The following MAST1 variants were observed in gnomAD, a reference collection of about 807,000 sequenced individuals.
MAST1 encodes microtubule-associated serine/threonine-protein kinase 1.
Under a neutral mutation model 124.6 loss-of-function variants are expected in MAST1, and 40 were observed. That is an observed-to-expected ratio of 0.32 (90% CI 0.25 to 0.42). The LOEUF (loss-of-function observed/expected upper bound fraction) is 0.42. MAST1 is among the 10% of genes least tolerant of loss of function. The pLI is 1.00. For synonymous variants in MAST1, 938 were observed against 939.4 expected (o/e 1.00, Z 0.03); for missense variants, 1,558 against 2,181.9 (o/e 0.71, Z 5.70).
intron 21 of MAST1, 93 bp downstream of exon 21, chr19:12,868,942 G>C (rs1970198749): frequency 6.5e-7 from 1 of 1,544,456 alleles, no homozygotes; most frequent in South Asian, 1.2e-5. Context: ...TGTCCACCGT[G>C]ATTGGCTCCA....
In MAST1 at chr19:12,847,612, C is replaced by T; in HGVS notation, c.489C>T (p.Ser163=). 6.2e-7 allele frequency: 1 copy of T among 1,614,138 alleles called. No homozygotes were observed. Among genetic ancestry groups the T allele is most frequent in the Non-Finnish European group, 8.5e-7 (1 of 1,180,002 alleles). ...ACAAAATGGGCTTCTCTCCCCGCAG[C>T]CCCGGGCGCTCCCCCTCCTCCTACG... The part of the protein sequence containing the change: ...PAVRPRSRSL[S]PGRSPSSYDN... The change falls in exon 6 of 26, where the codon AGC becomes AGT. Residue 163 remains serine (S), a splice_region_variant and synonymous_variant. Transcript: ENST00000251472. This position sits in a 1 kb window ranked among gnomAD's most constrained non-coding sequence, Gnocchi z 5.5.
At position 12,845,411 on chromosome 19, in the gene MAST1, C is replaced by CAA. The variant is rs540488398; in HGVS notation, c.327+1826_327+1827dup. Among the ~76,000 whole-genome samples, 36 of 69,090 alleles carry CAA rather than the reference C, an allele frequency of 5.2e-4. 1 individual carries two copies. The highest frequency in any genetic ancestry group is 1.6e-3 in the East Asian group (3 of 1,914). 45.3% of individuals were successfully genotyped at this position (69,090 alleles called of 152,430 possible). A position where few individuals can be genotyped will look rare whatever the true frequency, so the allele number is the denominator to read the frequency against. ...GCAACGTGATGAAACCCTGTTTCTA[C>CAA]AAAAAAAAAAAAAAAAAAAAAAATT... On this transcript the variant is annotated intron_variant, in intron 4 of 25. Coordinates refer to ENST00000251472, the MANE Select transcript of MAST1 (RefSeq NM_014975.3).
At chr19:12,862,949 G>A (rs1449287250) in intron 12 of MAST1, among the ~76,000 whole-genome samples, 2 of 151,676 alleles carry the variant, frequency 1.3e-5, no homozygotes, top group East Asian at 3.9e-4. Context: ...TTACAGGCGT[G>A]AGCCACTGTG....
Position 12,865,156 on chromosome 19 carries a change from C to T in MAST1, c.1616C>T (p.Ala539Val). ...NLYEGHIEKDAREFLDKQVCG... is the reference protein window; with the variant it reads ...NLYEGHIEKDVREFLDKQVCG... ...TATGAAGGCCACATCGAGAAGGACG[C>T]CCGAGAGTTCCTGGACAAACAGGTG... is the stretch of plus-strand genomic sequence containing the variant. The change falls in exon 14 of 26, where the codon GCC (alanine) becomes GTC (valine). Residue 539 changes from alanine (A) to valine (V), a missense_variant. Transcript: ENST00000251472. The surrounding 1 kb of genome is among the most constrained non-coding windows in gnomAD (Gnocchi z 7.1). 1.2e-6 allele frequency: 2 copies of T among 1,614,064 alleles called. No homozygotes were observed. Among genetic ancestry groups the T allele is most frequent in the Non-Finnish European group, 8.5e-7 (1 of 1,179,996 alleles).
At chr19:12,871,504 A>G (rs1970234201) in intron 24 of MAST1, among the ~76,000 whole-genome samples, 1 of 152,004 alleles carries the variant, frequency 6.6e-6, no homozygotes, top group South Asian at 2.1e-4. Flanking sequence ...CTACTTAGGA[A>G]GCTGAGGCAG....
At position 12,865,124 on chromosome 19, in the gene MAST1, C is replaced by T. The variant is rs1489643621; in HGVS notation, c.1584C>T (p.Thr528=). The change falls in exon 14 of 26, where the codon ACC becomes ACT. Residue 528 remains threonine, a synonymous_variant. Transcript: ENST00000251472. This position sits in a 1 kb window ranked among gnomAD's most constrained non-coding sequence, Gnocchi z 7.1. ...AGATGGGGCTCATGAGCCTCACCACCAACTTATATGAAGGCCACATCGAGA... is the reference window on the plus strand; with the variant it reads ...AGATGGGGCTCATGAGCCTCACCACTAACTTATATGAAGGCCACATCGAGA... ...LSKMGLMSLT[T]NLYEGHIEKD... is the part of the protein sequence containing the mutation. 7 of 1,614,024 alleles carry T rather than the reference C, an allele frequency of 4.3e-6. No individual in the cohort carries two copies. Among genetic ancestry groups the T allele is most frequent in the Non-Finnish European group, 5.9e-6 (7 of 1,180,048 alleles).
rs148912068 is a variant in MAST1 at position 12,857,596 on chromosome 19, T to C, written c.1078-766T>C. Among the ~76,000 whole-genome samples the C allele has an allele frequency of 2.7e-3, 414 of 151,768 alleles. 4 individuals carry two copies. Among genetic ancestry groups the C allele is most frequent in the African/African-American group, 9.5e-3 (394 of 41,366 alleles). ...CTGGCTAATTGTTTCGTATTTTCAG[T>C]AGAGATGGGGTTTCACAGTGTTAGC... On this transcript the variant is annotated intron_variant, in intron 10 of 25. Transcript: ENST00000251472.
intron 10 of MAST1, among the ~76,000 whole-genome samples, chr19:12,856,134 T>C (rs968076574): frequency 3.9e-4 from 60 of 152,218 alleles, no homozygotes; most frequent in African/African-American, 1.4e-3. Context: ...TTCAATATTT[T>C]TATATATCAT....
chr19:12,852,432 C>G (rs754826165), intron 10 of MAST1, 37 bp downstream of exon 10: 3 of 1,589,978 alleles, frequency 1.9e-6, no homozygotes, highest in Non-Finnish European at 1.7e-6. Flanking sequence ...TACCCTGGTT[C>G]CTGGGAGGGC....
At chr19:12,844,841 C>T (rs1969873122) in intron 4 of MAST1, among the ~76,000 whole-genome samples, 1 of 151,970 alleles carries the variant, frequency 6.6e-6, no homozygotes, top group African/African-American at 2.4e-5. Flanking sequence ...AGTGGGGAAG[C>T]CATGGAATGG....
At position 12,850,680 on chromosome 19, in the gene MAST1, T is replaced by C. The variant is rs550298759; in HGVS notation, c.775-1254T>C. On this transcript the variant is annotated intron_variant, in intron 7 of 25. Coordinates refer to ENST00000251472, the MANE Select transcript of MAST1 (RefSeq NM_014975.3). ...TACTTTTTTTTGGCTCAAGTTACAATATGGCTAGGCACAGCCTGTTGGATT... is the reference window on the plus strand; with the variant it reads ...TACTTTTTTTTGGCTCAAGTTACAACATGGCTAGGCACAGCCTGTTGGATT... 2.0e-5 allele frequency among the ~76,000 whole-genome samples: 3 copies of C among 152,252 alleles called. No homozygotes were observed. In the South Asian group the frequency reaches 6.2e-4, roughly 32 times the overall value.
chr19:12,858,930 T>C (rs1970048040), intron 12 of MAST1, 191 bp downstream of exon 12: 7 of 627,040 alleles, frequency 1.1e-5, no homozygotes, highest in Admixed American at 5.8e-5. Context: ...TATTGGTTTA[T>C]TTGTTTTTCA....
Position 12,857,585 on chromosome 19 carries a change from C to T in MAST1, c.1078-777C>T, listed in dbSNP as rs575750722. ...CGCCACCATGCCTGGCTAATTGTTT[C>T]GTATTTTCAGTAGAGATGGGGTTTC... On this transcript the variant is annotated intron_variant, in intron 10 of 25. Transcript: ENST00000251472. Among the ~76,000 whole-genome samples the T allele has an allele frequency of 4.6e-5, 7 of 151,686 alleles. No homozygotes were observed. The South Asian group carries it at 1.0e-3, about 23-fold the overall frequency.
chr19:12,861,658 GTTTT>G (rs776959176), intron 12 of MAST1, among the ~76,000 whole-genome samples: 32 of 144,478 alleles, frequency 2.2e-4, no homozygotes, highest in Non-Finnish European at 4.6e-4. Flanking sequence ...GAGCATTGTT[GTTTT>G]TTTCTTTTTC....
At position 12,858,365 on chromosome 19, in the gene MAST1, C is replaced by CGCA. The variant is rs1970041473; in HGVS notation, c.1088_1090dup (p.Ser363dup). ...GGTCTCCATCTTTTTCCTGAAGGGCCGCAGCAGCAAGGCCAAGAAACCGCC... is the reference window on the plus strand; with the variant it reads ...GGTCTCCATCTTTTTCCTGAAGGGCCGCAGCAGCAGCAAGGCCAAGAAACCGCC... On this transcript the variant is annotated inframe_insertion, in exon 11 of 26. Coordinates refer to ENST00000251472, the MANE Select transcript of MAST1 (RefSeq NM_014975.3). 6.2e-7 allele frequency: 1 copy of CGCA among 1,613,414 alleles called. No individual in the cohort carries two copies. The highest frequency in any genetic ancestry group is 1.7e-5 in the Admixed American group (1 of 59,848).
intron 22 of MAST1, among the ~76,000 whole-genome samples, chr19:12,870,492 CAA>C (rs36022150): frequency 0.019 from 1,423 of 75,824 alleles, 30 homozygotes; most frequent in African/African-American, 0.061. Context: ...GACTCCGTCT[CAA>C]AAAAAAAAAA....
Position 12,841,121 on chromosome 19 carries a change from T to C in MAST1, c.248+55T>C. On this transcript the variant is annotated intron_variant, in intron 3 of 25. Coordinates refer to ENST00000251472, the MANE Select transcript of MAST1 (RefSeq NM_014975.3). This position sits in a 1 kb window ranked among gnomAD's most constrained non-coding sequence, Gnocchi z 4.3. ...CCCTGGGCAGACCCTCCCCAACCAC[T>C]GTCTGGGCCGCCATCTGTTCTCCTC... is the stretch of plus-strand genomic sequence containing the variant. 1 of 837,472 alleles carries C rather than the reference T, an allele frequency of 1.2e-6. No homozygotes were observed. Among genetic ancestry groups the C allele is most frequent in the South Asian group, 1.4e-5 (1 of 70,700 alleles). 51.9% of individuals were successfully genotyped at this position (837,472 alleles called of 1,614,324 possible).
At chr19:12,862,290 T>C (rs1242365106) in intron 12 of MAST1, among the ~76,000 whole-genome samples, 1 of 152,022 alleles carries the variant, frequency 6.6e-6, no homozygotes, top group Non-Finnish European at 1.5e-5. Context: ...CAGGCGTGAA[T>C]CACTGCGCCC....
At position 12,847,780 on chromosome 19, in the gene MAST1, C is replaced by A; in HGVS notation, c.565-68C>A. On this transcript the variant is annotated intron_variant, in intron 6 of 25. Coordinates refer to ENST00000251472, the MANE Select transcript of MAST1 (RefSeq NM_014975.3). This position sits in a 1 kb window ranked among gnomAD's most constrained non-coding sequence, Gnocchi z 5.5. ...CGCGCCCCCTGGCGGCCTCGGTGCG[C>A]AGCGCAGGCTCCTGGCGGCCGCAGC... The A allele has an allele frequency of 6.3e-7, 1 of 1,580,846 alleles. No individual in the cohort carries two copies.
Sources: allele counts gnomAD v4.1 joint callset (sites outside exome capture counted in the v4.1 genomes callset), GRCh38; gene constraint gnomAD v4.1.1; non-coding constraint Gnocchi (gnomAD v3.1); transcripts MANE v1.5; gene names NCBI Gene and HGNC (gene_info 2026-07-23, HGNC 2026-07-21).